The following ALPK1 variants were observed in gnomAD, a reference collection of about 807,000 sequenced individuals.
ALPK1 encodes the protein alpha-protein kinase 1.
In ALPK1, 110 loss-of-function variants were observed where a neutral mutation model predicts 120.6. The observed-to-expected ratio is 0.91, with a 90% CI of 0.78 to 1.07. ALPK1 has a LOEUF of 1.07. Ranked by LOEUF, ALPK1 falls within the 50% of genes least tolerant of loss-of-function variation. The probability of loss-of-function intolerance (pLI) is 0.00; values close to 1 mark genes in which losing one functional copy is unlikely to be tolerated. For synonymous variants in ALPK1, 582 were observed against 560.3 expected, an observed-to-expected ratio of 1.04 and a Z score of -0.55; for missense variants, 1,498 against 1,483.9, an observed-to-expected ratio of 1.01 and a Z score of -0.16.
chr4:112,309,557 A>G (rs989896188), intron 1 of ALPK1, among the ~76,000 whole-genome samples: 5 of 152,058 alleles, frequency 3.3e-5, no homozygotes, highest in Admixed American at 2.6e-4. Flanking sequence ...CAGGCGTGGG[A>G]TATAATCTCC....
intron 1 of ALPK1, among the ~76,000 whole-genome samples, chr4:112,300,037 A>G (rs868794903): frequency 3.3e-5 from 5 of 152,316 alleles, no homozygotes; most frequent in African/African-American, 9.6e-5. Flanking sequence ...TAAGGGGGAA[A>G]TAATTCTAGA....
rs142373879 is a variant in ALPK1, at chr4:112,354,227, C to T, written c.-100-23451C>T. On this transcript the variant is annotated intron_variant, in intron 2 of 15. Transcript: ENST00000650871. ...TCCTTAATTACAATATTTTCCCTTACGATTTGCTTGTTTTTTTTCAAGCAA... is the reference window on the plus strand; with the variant it reads ...TCCTTAATTACAATATTTTCCCTTATGATTTGCTTGTTTTTTTTCAAGCAA... Among the ~76,000 whole-genome samples, 573 of 150,620 alleles carry T rather than the reference C, an allele frequency of 3.8e-3. 3 individuals carry two copies. Among genetic ancestry groups the T allele is most frequent in the African/African-American group, 0.013 (539 of 41,024 alleles).
chr4:112,436,499 GA>G (rs1486178609), intron 12 of ALPK1, among the ~76,000 whole-genome samples: 1 of 152,190 alleles, frequency 6.6e-6, no homozygotes, highest in Non-Finnish European at 1.5e-5. Context: ...GTGAAGTTAA[GA>G]TGAAGTCATA....
intron 1 of ALPK1, among the ~76,000 whole-genome samples, chr4:112,306,493 G>A (rs1489931095): frequency 2.0e-5 from 3 of 151,062 alleles, no homozygotes; most frequent in Non-Finnish European, 4.4e-5. Context: ...TGTATGTGTC[G>A]AGGAATTTAT....
intron 4 of ALPK1, 67 bp from the exon 5 acceptor site, chr4:112,411,760 G>T: frequency 6.7e-7 from 1 of 1,489,664 alleles, no homozygotes. Context: ...TGCCTCCCAC[G>T]CTAAGCCTGG....
At chr4:112,396,989 C>G (rs572579068) in intron 4 of ALPK1, among the ~76,000 whole-genome samples, 1 of 152,226 alleles carries the variant, frequency 6.6e-6, no homozygotes, top group African/African-American at 2.4e-5. Context: ...GTTGCCCAGG[C>G]TGATCTCGAA....
In ALPK1 at chr4:112,441,026, CT is replaced by C. The variant is rs753245337; in HGVS notation, c.3650del (p.Phe1217SerfsTer18). 7 of 1,613,974 alleles carry C rather than the reference CT, an allele frequency of 4.3e-6. No individual in the cohort carries two copies. Among genetic ancestry groups the C allele is most frequent in the Non-Finnish European group, 5.9e-6 (7 of 1,179,900 alleles). On this transcript the variant is annotated frameshift_variant, in exon 15 of 16. Coordinates refer to ENST00000650871, the MANE Select transcript of ALPK1 (RefSeq NM_025144.4). LOFTEE classifies it high-confidence loss of function. ...TNFGKRGIFY[F>X]FNNQHVECNE... ...ATTTTGGAAAGAGAGGAATTTTTTA[CT>C]TCTTTAATAACCAGCATGTGGAATG...
At chr4:112,424,137 T>A in intron 6 of ALPK1, 134 bp downstream of exon 6, 1 of 736,430 alleles carries the variant, frequency 1.4e-6, no homozygotes, top group Non-Finnish European at 2.2e-6. Context: ...GCTCTGCCAC[T>A]GATGAATGAA....
intron 6 of ALPK1, 36 bp from the exon 7 acceptor site, chr4:112,425,629 C>G (rs1427979967): frequency 6.4e-7 from 1 of 1,555,750 alleles, no homozygotes; most frequent in Admixed American, 1.7e-5. Context: ...GGCTATATCT[C>G]TGATAATTCA....
chr4:112,379,569 A>G (rs945457635), intron 3 of ALPK1, among the ~76,000 whole-genome samples: 4 of 152,200 alleles, frequency 2.6e-5, no homozygotes, highest in African/African-American at 9.6e-5. Context: ...GTGGCTGCGG[A>G]GCGGCTCGAG....
chr4:112,303,550 C>CCATCAG (rs962348896), intron 1 of ALPK1, among the ~76,000 whole-genome samples: 7 of 152,140 alleles, frequency 4.6e-5, no homozygotes, highest in Admixed American at 3.3e-4. Flanking sequence ...TTGGTTCAGG[C>CCATCAG]CATCAGCATC....
At chr4:112,339,330 C>T (rs1022665144) in intron 2 of ALPK1, among the ~76,000 whole-genome samples, 2 of 152,192 alleles carry the variant, frequency 1.3e-5, no homozygotes, top group African/African-American at 4.8e-5. Context: ...CAAAATGTCT[C>T]TTGCTTTGAT....
Position 112,382,462 on chromosome 4 carries a change from G to A in ALPK1, c.186G>A (p.Val62=). 6.2e-7 allele frequency: 1 copy of A among 1,614,066 alleles called. No individual in the cohort carries two copies. The highest frequency in any genetic ancestry group is 8.5e-7 in the Non-Finnish European group (1 of 1,180,012). Reference sequence around the variant, plus strand: ...CAAAGGAAATGAAGTGGCCCTTCGTGCCTGAAAAGTGGCAGTACAAACAAG... The same window carrying A: ...CAAAGGAAATGAAGTGGCCCTTCGTACCTGAAAAGTGGCAGTACAAACAAG... ...QEAKEMKWPF[V]PEKWQYKQAV... is the part of the protein sequence containing the mutation. The change falls in exon 4 of 16, where the codon GTG becomes GTA. Residue 62 remains valine, a synonymous_variant. Coordinates refer to ENST00000650871, the MANE Select transcript of ALPK1 (RefSeq NM_025144.4).
intron 3 of ALPK1, among the ~76,000 whole-genome samples, chr4:112,379,477 G>C (rs1192213926): frequency 6.6e-6 from 1 of 152,234 alleles, no homozygotes; most frequent in Non-Finnish European, 1.5e-5. Flanking sequence ...ATCAGCCCCA[G>C]CCCAAGGGCG....
intron 5 of ALPK1, among the ~76,000 whole-genome samples, chr4:112,413,345 T>C (rs1194547204): frequency 1.3e-5 from 2 of 152,180 alleles, no homozygotes; most frequent in Non-Finnish European, 2.9e-5. Flanking sequence ...ACATGGAAAT[T>C]GAGATCAAAT....
Position 112,442,397 on chromosome 4 carries a change from T to C in ALPK1, c.*1187T>C, listed in dbSNP as rs937296843. The C allele has an allele frequency of 1.3e-5, 2 of 152,104 alleles. No individual in the cohort carries two copies. The highest frequency in any genetic ancestry group is 2.9e-5 in the Non-Finnish European group (2 of 68,022). 9.4% of individuals were successfully genotyped at this position (152,104 alleles called of 1,614,324 possible). A position where few individuals can be genotyped will look rare whatever the true frequency, so the allele number is the denominator to read the frequency against. ...ACTAAATACCACTTGTTCTCACTTA[T>C]AGGTGAGAGCTAAGTGATGAGAGTA... On this transcript the variant is annotated 3_prime_UTR_variant, in exon 16 of 16. Transcript: ENST00000650871.
chr4:112,364,015 A>C (rs1044609237), intron 2 of ALPK1, among the ~76,000 whole-genome samples: 3 of 152,146 alleles, frequency 2.0e-5, no homozygotes, highest in African/African-American at 7.2e-5. Flanking sequence ...GAACTGAATG[A>C]TAATAGTGAC....
chr4:112,350,481 C>G (rs778855109), intron 2 of ALPK1, among the ~76,000 whole-genome samples: 2 of 152,192 alleles, frequency 1.3e-5, no homozygotes, highest in African/African-American at 4.8e-5. Context: ...ATTCTGACTC[C>G]GTTGGTATAA....
chr4:112,361,306 G>C (rs1404821199), intron 2 of ALPK1, among the ~76,000 whole-genome samples: 1 of 152,174 alleles, frequency 6.6e-6, no homozygotes, highest in Non-Finnish European at 1.5e-5. Context: ...TGTAACCTGT[G>C]ACAAGTTCTC....
Sources: allele counts gnomAD v4.1 joint callset (sites outside exome capture counted in the v4.1 genomes callset), GRCh38; gene constraint gnomAD v4.1.1; transcripts MANE v1.5; gene names NCBI Gene and HGNC (gene_info 2026-07-23, HGNC 2026-07-21).